LONP1: variants seen among roughly 807,000 people sequenced by gnomAD.
LONP1 encodes the protein lon peptidase 1, mitochondrial, also known as lon protease homolog, mitochondrial.
In LONP1, 31 loss-of-function variants were observed where a neutral mutation model predicts 98.5. The ratio of observed to expected loss-of-function variants is 0.31; its 90% CI spans 0.24 to 0.42. LONP1 has a LOEUF of 0.42. LONP1 is among the 20% of genes least tolerant of loss of function. The pLI, the probability that LONP1 is intolerant of heterozygous loss-of-function variation, is 1.00. For missense variants in LONP1, 1,336 were observed against 1,350.6 expected (o/e 0.99, Z 0.17); for synonymous variants, 781 against 594.7 (o/e 1.31, Z -4.56).
Position 5,694,562 on chromosome 19 carries a change from C to T in LONP1, c.2155-10G>A, listed in dbSNP as rs755093711. The T allele has an allele frequency of 1.6e-5, 25 of 1,603,522 alleles. No individual in the cohort carries two copies. In the Admixed American group the frequency reaches 3.7e-4, roughly 24 times the overall value. ...CCGATTTCCGTAACACCTGGGCGGT[C>T]AGGGCAACACAATGGGCACGGGAAG... On this transcript the variant is annotated splice_polypyrimidine_tract_variant and intron_variant, in intron 14 of 17. Transcript: ENST00000360614.
chr19:5,712,825 T>G (rs2055258695), intron 3 of LONP1, among the ~76,000 whole-genome samples: 1 of 152,070 alleles, frequency 6.6e-6, no homozygotes, highest in African/African-American at 2.4e-5. Flanking sequence ...AGAGATGGGA[T>G]CTCGCTACGT....
chr19:5,717,602 C>T (rs1451180024), intron 1 of LONP1: 1 of 152,238 alleles, frequency 6.6e-6, no homozygotes, highest in East Asian at 1.9e-4. Flanking sequence ...TGAACACCAT[C>T]CTGGGCCCAG....
intron 9 of LONP1, 66 bp downstream of exon 9, chr19:5,700,723 G>A (rs1197957029): frequency 6.3e-7 from 1 of 1,594,206 alleles, no homozygotes; most frequent in South Asian, 1.1e-5. Context: ...TCAACCCACA[G>A]CACACAAGAG....
Position 5,720,011 on chromosome 19 carries a change from C to A in LONP1, c.122G>T (p.Arg41Leu). 1 of 1,573,086 alleles carries A rather than the reference C, an allele frequency of 6.4e-7. No homozygotes were observed. The highest frequency in any genetic ancestry group is 8.6e-7 in the Non-Finnish European group (1 of 1,162,128). ...VPTAAGAWLL[R>L]GQRTCDASPP... ...AGAGGCGTCGCAGGTCCGCTGGCCT[C>A]GGAGCAACCACGCTCCTGCTGCAGT... is the stretch of plus-strand genomic sequence containing the variant. The change falls in exon 1 of 18, where the codon CGA becomes CTA. Residue 41 changes from arginine to leucine, a missense_variant. This residue lies in a region of LONP1 where 457 missense variants were observed against 403.1 expected (regional missense o/e 1.13). Coordinates refer to ENST00000360614, the MANE Select transcript of LONP1 (RefSeq NM_004793.4).
intron 17 of LONP1, 69 bp downstream of exon 17, chr19:5,693,229 G>C: frequency 6.6e-7 from 1 of 1,526,052 alleles, no homozygotes; most frequent in South Asian, 1.2e-5. Flanking sequence ...GTTGCATGGC[G>C]GGGACTGGGC....
At position 5,694,723 on chromosome 19, in the gene LONP1, TGGGCGGCAGGTGCCAGGA is replaced by T. The variant is rs750032580; in HGVS notation, c.2154+20_2154+37del. ...GGGTGATCAGCGTGGGATGGTGAGG[TGGGCGGCAGGTGCCAGGA>T]GGGCGGGCTGGCCGCTCACCTTCTC... On this transcript the variant is annotated intron_variant, in intron 14 of 17. Transcript: ENST00000360614. The T allele has an allele frequency of 7.6e-6, 12 of 1,579,762 alleles. No homozygotes were observed. Among genetic ancestry groups the T allele is most frequent in the Non-Finnish European group, 9.5e-6 (11 of 1,155,234 alleles).
chr19:5,714,846 C>T (rs2055290558), intron 1 of LONP1: 1 of 151,664 alleles, frequency 6.6e-6, no homozygotes, highest in Admixed American at 6.6e-5. Context: ...TCTTTAACTC[C>T]TGACCTCGTG....
chr19:5,711,666 A>AG, intron 4 of LONP1, 105 bp downstream of exon 4: 3 of 918,934 alleles, frequency 3.3e-6, no homozygotes, highest in East Asian at 4.9e-5. Context: ...ACCCTTCCTA[A>AG]GGGGCTCAGG....
chr19:5,715,845 C>T (rs1293462119), intron 1 of LONP1, among the ~76,000 whole-genome samples: 3 of 151,608 alleles, frequency 2.0e-5, no homozygotes, highest in African/African-American at 7.3e-5. Flanking sequence ...TTAGTAGAGA[C>T]GGAGTTTCGC....
intron 8 of LONP1, 62 bp from the exon 9 acceptor site, chr19:5,700,989 G>C (rs867481778): frequency 1.3e-6 from 2 of 1,599,406 alleles, no homozygotes; most frequent in Admixed American, 1.7e-5. Context: ...CTCTCTGCTG[G>C]ACTTGGCTGG....
intron 14 of LONP1, 72 bp from the exon 15 acceptor site, chr19:5,694,624 A>G: frequency 6.5e-7 from 1 of 1,545,162 alleles, no homozygotes; most frequent in Non-Finnish European, 8.8e-7. Context: ...GGTGACGGGC[A>G]CAGAAAGGTG....
rs1168148602 is a variant in LONP1, at chr19:5,695,268, G to T, written c.2014-367C>A. Among the ~76,000 whole-genome samples, 4 of 152,250 alleles carry T rather than the reference G, an allele frequency of 2.6e-5. No homozygotes were observed. In the East Asian group the frequency reaches 7.7e-4, roughly 29 times the overall value. On this transcript the variant is annotated intron_variant, in intron 13 of 17. Coordinates refer to ENST00000360614, the MANE Select transcript of LONP1 (RefSeq NM_004793.4). ...CTCAGCACATGAGGAAGGGGACTGG[G>T]TCAGGGGCTCCAGGGTCACCCACAG... is the stretch of plus-strand genomic sequence containing the variant.
intron 12 of LONP1, 30 bp from the exon 13 acceptor site, chr19:5,696,200 T>G (rs1342695799): frequency 1.9e-6 from 3 of 1,612,718 alleles, no homozygotes; most frequent in East Asian, 4.5e-5. Context: ...GCTGGGGGAC[T>G]GGCCGCTTAC....
Position 5,691,954 on chromosome 19 carries a change from C to A in LONP1, c.*78G>T, listed in dbSNP as rs767192693. 2.1e-5 allele frequency: 19 copies of A among 887,582 alleles called. No homozygotes were observed. The highest frequency in any genetic ancestry group is 2.8e-5 in the Non-Finnish European group (17 of 617,106). The allele number at this position is 887,582 out of a possible 1,614,324, so 55.0% of individuals were successfully genotyped here. On this transcript the variant is annotated 3_prime_UTR_variant, in exon 18 of 18. Transcript: ENST00000360614. ...TCGCTCGGTGGCTCCACTGCCAGGT[C>A]CGGGCGCGCTCCCCACAGCGCTCAG... is the stretch of plus-strand genomic sequence containing the variant.
In LONP1 at chr19:5,696,381, C is replaced by T. The variant is rs760911035; in HGVS notation, c.1774-10G>A. ...GGCCGATCTTGTCCACCTGGGGCAG[C>T]AGACAGCAGGTGGTGCCCCTCGCCG... On this transcript the variant is annotated splice_polypyrimidine_tract_variant and intron_variant, in intron 11 of 17. Coordinates refer to ENST00000360614, the MANE Select transcript of LONP1 (RefSeq NM_004793.4). The T allele has an allele frequency of 6.2e-6, 10 of 1,611,750 alleles. No individual in the cohort carries two copies. In the Admixed American group the frequency reaches 8.3e-5, roughly 13 times the overall value.
intron 10 of LONP1, among the ~76,000 whole-genome samples, chr19:5,698,797 C>T (rs1438571893): frequency 6.6e-6 from 1 of 152,258 alleles, no homozygotes; most frequent in East Asian, 1.9e-4. Context: ...AGAAGTCTCT[C>T]TCCCAGGGGT....
chr19:5,717,728 T>C (rs1324433901), intron 1 of LONP1: 1 of 152,280 alleles, frequency 6.6e-6, no homozygotes, highest in Non-Finnish European at 1.5e-5. Context: ...CATCACGTTA[T>C]TGCTGAGGCA....
At chr19:5,709,331 A>G (rs2055199420) in intron 4 of LONP1, among the ~76,000 whole-genome samples, 1 of 150,750 alleles carries the variant, frequency 6.6e-6, no homozygotes, top group Non-Finnish European at 1.5e-5. Flanking sequence ...TCCACTAAAA[A>G]TACCAAAAAA....
intron 8 of LONP1, among the ~76,000 whole-genome samples, chr19:5,701,389 C>A (rs1209407983): frequency 6.6e-6 from 1 of 152,036 alleles, no homozygotes; most frequent in Non-Finnish European, 1.5e-5. Context: ...CGAGCCGAGG[C>A]TGGACTGTGT....
Sources: gnomAD v4.1 joint callset for allele counts (sites outside exome capture counted in the v4.1 genomes callset) on GRCh38, gnomAD v4.1.1 for gene constraint, gnomAD v4.1.1 regional missense constraint, MANE v1.5 for transcripts, NCBI Gene and HGNC (gene_info 2026-07-23, HGNC 2026-07-21) for gene names.